Variants in PIGN observed in about 807,000 individuals in gnomAD.
PIGN encodes GPI ethanolamine phosphate transferase 1.
Under a neutral mutation model 125.4 loss-of-function variants are expected in PIGN, and 117 were observed. The observed-to-expected ratio is 0.93, with a 90% CI of 0.80 to 1.09. PIGN has a LOEUF of 1.09. PIGN is among the 50% of genes least tolerant of loss of function. The pLI is 0.00. For missense variants in PIGN, 1,075 were observed against 1,094.9 expected (o/e 0.98, Z 0.26); for synonymous variants, 392 against 377.8 (o/e 1.04, Z -0.44).
At chr18:62,040,723 AT>A (rs2030344518), downstream of PIGN, among the ~76,000 whole-genome samples, 2 of 152,360 alleles carry the variant, frequency 1.3e-5, no homozygotes, top group South Asian at 4.1e-4. Context: ...ATTACTTCTC[AT>A]CAGCAAGGAG....
chr18:62,065,020 A>G (rs1042146052), intron 30 of PIGN, among the ~76,000 whole-genome samples: 3 of 152,228 alleles, frequency 2.0e-5, no homozygotes, highest in Admixed American at 6.5e-5. Flanking sequence ...CCTCCTGGAC[A>G]AGGACAAACA....
chr18:62,154,980 C>T (rs2036670547), intron 6 of PIGN, among the ~76,000 whole-genome samples: 1 of 152,112 alleles, frequency 6.6e-6, no homozygotes, highest in Admixed American at 6.5e-5. Context: ...ATATTTGTCT[C>T]CCTTTAAGGA....
rs1167466005 is a variant in PIGN, at chr18:62,082,763, A to C, written c.2503-17T>G. The C allele has an allele frequency of 1.4e-6, 2 of 1,385,064 alleles. No individual in the cohort carries two copies. The allele number at this position is 1,385,064 out of a possible 1,614,324, so 85.8% of individuals were successfully genotyped here. On this transcript the variant is annotated splice_polypyrimidine_tract_variant and intron_variant, in intron 27 of 30. Transcript: ENST00000640252. ...GATTAAAATCTGTAAAAGAACAATA[A>C]ATGATGCAAGGAATAACTGAAGCAT...
chr18:62,135,149 T>C (rs748828283), intron 14 of PIGN, among the ~76,000 whole-genome samples: 3 of 152,232 alleles, frequency 2.0e-5, no homozygotes, highest in Middle Eastern at 3.2e-3. Flanking sequence ...TTATTTTTAA[T>C]GCATCTAGTA....
Position 62,106,890 on chromosome 18 carries a change from G to A in PIGN, c.1675-9C>T, listed in dbSNP as rs765852955. ...TAGAAAAAACTGAGAACCTAGTAAT[G>A]CATTCCAAAGAAGGAATGAAAAATA... On this transcript the variant is annotated splice_polypyrimidine_tract_variant and intron_variant, in intron 18 of 30. Transcript: ENST00000640252. 1.3e-6 allele frequency: 2 copies of A among 1,595,342 alleles called. No individual in the cohort carries two copies. Among genetic ancestry groups the A allele is most frequent in the Non-Finnish European group, 8.6e-7 (1 of 1,167,804 alleles).
intron 23 of PIGN, among the ~76,000 whole-genome samples, chr18:62,092,268 G>A (rs1183923947): frequency 6.6e-6 from 1 of 151,994 alleles, no homozygotes; most frequent in Non-Finnish European, 1.5e-5. Flanking sequence ...ATTTAAAAAT[G>A]GAAATACCAA....
intron 1 of PIGN, among the ~76,000 whole-genome samples, chr18:62,173,599 C>T (rs1324812592): frequency 3.9e-5 from 6 of 152,120 alleles, no homozygotes. Flanking sequence ...AGGTACATTA[C>T]TAAAATTACC....
chr18:62,185,600 T>A (rs184738733), intron 1 of PIGN, among the ~76,000 whole-genome samples: 66 of 152,392 alleles, frequency 4.3e-4, no homozygotes, highest in South Asian at 2.1e-3. Context: ...AATTTTTCCA[T>A]GGAGCTAACG....
At position 62,054,908 on chromosome 18, in the gene PIGN, A is replaced by C. The variant is rs547264541; in HGVS notation, c.2673-8929T>G. 1.0e-4 allele frequency among the ~76,000 whole-genome samples: 16 copies of C among 152,386 alleles called. No homozygotes were observed. The Middle Eastern group carries it at 0.014, about 130-fold the overall frequency. On this transcript the variant is annotated intron_variant, in intron 30 of 30. Coordinates refer to ENST00000640252, the MANE Select transcript of PIGN (RefSeq NM_176787.5). Reference sequence around the variant, plus strand: ...ATCAAAAGACATGAACAGACGTTTCATCAAAGAGGATATAAAGTCAGTAAA... The same window carrying C: ...ATCAAAAGACATGAACAGACGTTTCCTCAAAGAGGATATAAAGTCAGTAAA...
chr18:62,071,060 C>T lies in PIGN; in HGVS notation c.2672+1613G>A, dbSNP rs180765669. Among the ~76,000 whole-genome samples the T allele has an allele frequency of 8.5e-3, 1,292 of 152,232 alleles. 11 individuals are homozygous for T. Among genetic ancestry groups the T allele is most frequent in the Non-Finnish European group, 0.014 (953 of 68,012 alleles). ...CTGGGCTCAAGCAGTCCTCCCACCT[C>T]GGCCTCCCAAAGTGCTAGGATTACA... On this transcript the variant is annotated intron_variant, in intron 30 of 30. Transcript: ENST00000640252.
intron 9 of PIGN, 147 bp from the exon 10 acceptor site, chr18:62,146,172 G>A: frequency 2.5e-6 from 1 of 406,150 alleles, no homozygotes; most frequent in Non-Finnish European, 4.4e-6. Flanking sequence ...AACCTTTTAT[G>A]GCAATTAGTT....
intron 7 of PIGN, among the ~76,000 whole-genome samples, chr18:62,152,503 G>A (rs1203811821): frequency 1.3e-5 from 2 of 152,032 alleles, no homozygotes; most frequent in Non-Finnish European, 1.5e-5. Context: ...GGGGTTGGGG[G>A]AGAGGTGCTT....
At chr18:62,182,710 C>T (rs770994622) in intron 1 of PIGN, among the ~76,000 whole-genome samples, 11 of 152,166 alleles carry the variant, frequency 7.2e-5, no homozygotes, top group Non-Finnish European at 1.5e-4. Context: ...AAAATCTGAA[C>T]ATCTTACCCC....
At chr18:62,124,711 T>A (rs2146847098) in intron 14 of PIGN, among the ~76,000 whole-genome samples, 1 of 152,324 alleles carries the variant, frequency 6.6e-6, no homozygotes, top group South Asian at 2.1e-4. Context: ...ATCATATGCC[T>A]TAGGGCCTTC....
At chr18:62,030,862 G>T (rs188596571) in intron 23 of PIGN, among the ~76,000 whole-genome samples, 1 of 152,290 alleles carries the variant, frequency 6.6e-6, no homozygotes, top group African/African-American at 2.4e-5. Flanking sequence ...ACCTACTCAA[G>T]TGCTGAGGTG....
downstream of PIGN, among the ~76,000 whole-genome samples, chr18:62,036,678 C>A (rs1283693890): frequency 1.3e-5 from 2 of 152,208 alleles, no homozygotes; most frequent in African/African-American, 4.8e-5. Flanking sequence ...TTATGCCCTT[C>A]TTTTTTGTCA....
intron 1 of PIGN, among the ~76,000 whole-genome samples, chr18:62,170,849 G>GAT (rs1428276461): frequency 2.0e-5 from 3 of 152,170 alleles, no homozygotes; most frequent in Non-Finnish European, 4.4e-5. Context: ...ATACATGAAT[G>GAT]ATAATAAAGT....
Position 62,161,335 on chromosome 18 carries a change from A to G in PIGN, c.19T>C (p.Leu7=). 1.2e-6 allele frequency: 2 copies of G among 1,612,300 alleles called. No homozygotes were observed. Among genetic ancestry groups the G allele is most frequent in the Non-Finnish European group, 1.7e-6 (2 of 1,178,850 alleles). Residue 7 remains leucine (L), a synonymous_variant, in exon 4 of 31, where the codon TTG becomes CTG. Coordinates refer to ENST00000640252, the MANE Select transcript of PIGN (RefSeq NM_176787.5). ...AACACAAAATGTATAAGCAATCCCA[A>G]AGTAAAGAACAGCAGCATATCCAGT... MLLFFT[L]GLLIHFVFFA...
At chr18:62,065,519 A>T (rs546079958) in intron 30 of PIGN, among the ~76,000 whole-genome samples, 86 of 152,226 alleles carry the variant, frequency 5.6e-4, no homozygotes, top group South Asian at 4.1e-3. Flanking sequence ...CGGGCGGATC[A>T]CGAGGTCAGA....
Sources: gnomAD v4.1 joint callset for allele counts (sites outside exome capture counted in the v4.1 genomes callset) on GRCh38, gnomAD v4.1.1 for gene constraint, MANE v1.5 for transcripts, NCBI Gene and HGNC (gene_info 2026-07-23, HGNC 2026-07-21) for gene names.